Variants in DDX1 observed in about 807,000 individuals in gnomAD.
DDX1 encodes ATP-dependent RNA helicase DDX1.
DDX1 carries 28 observed loss-of-function variants against 108.7 expected under a neutral mutation model. That is an observed-to-expected ratio of 0.26 (90% CI 0.19 to 0.35). The LOEUF is 0.35. Among genes scored for constraint, DDX1 ranks in the 10% least tolerant of loss-of-function variants. The probability of loss-of-function intolerance (pLI) is 1.00; values close to 1 mark genes in which losing one functional copy is unlikely to be tolerated. For missense variants in DDX1, 710 were observed against 884.5 expected (o/e 0.80, Z 2.50); for synonymous variants, 295 against 288.9 (o/e 1.02, Z -0.21).
At chr2:15,595,352 C>A in intron 2 of DDX1, 138 bp from the exon 3 acceptor site, 1 of 910,458 alleles carries the variant, frequency 1.1e-6, no homozygotes, top group South Asian at 1.8e-5. Context: ...CTTTTTTTAA[C>A]CTTGACATAT....
At chr2:15,606,902 A>G (rs1340569577) in intron 12 of DDX1, among the ~76,000 whole-genome samples, 1 of 152,172 alleles carries the variant, frequency 6.6e-6, no homozygotes, top group African/African-American at 2.4e-5. Context: ...AGCTCACTGC[A>G]GCCTTGAATA....
intron 19 of DDX1, among the ~76,000 whole-genome samples, chr2:15,624,068 C>T (rs1025412388): frequency 1.1e-4 from 17 of 152,074 alleles, no homozygotes; most frequent in African/African-American, 3.4e-4. Context: ...TCAGTGGACA[C>T]GGTCTTCTGT....
rs1473742205 is a variant in DDX1 at position 15,597,481 on chromosome 2, G to A, written c.259+10G>A. 9.8e-6 allele frequency: 15 copies of A among 1,537,908 alleles called. No individual in the cohort carries two copies. Among genetic ancestry groups the A allele is most frequent in the Admixed American group, 3.6e-5 (2 of 55,758 alleles). Reference sequence around the variant, plus strand: ...AAAACTGGTGCTTCAGGTAATTTTTGTAAATTGATATTTCCTTTTATATAA... The same window carrying A: ...AAAACTGGTGCTTCAGGTAATTTTTATAAATTGATATTTCCTTTTATATAA... On this transcript the variant is annotated intron_variant, in intron 5 of 25. Transcript: ENST00000233084.
chr2:15,599,050 G>A (rs971409792), intron 5 of DDX1: 1 of 152,124 alleles, frequency 6.6e-6, no homozygotes, highest in East Asian at 1.9e-4. Context: ...TGACCTAGGA[G>A]TAAGGACAGA....
Position 15,620,128 on chromosome 2 carries a change from T to A in DDX1, c.1207-80T>A, listed in dbSNP as rs74380587. The A allele has an allele frequency of 3.7e-3, 4,655 of 1,267,272 alleles. 107 individuals carry two copies. In the African/African-American group the frequency reaches 0.05, roughly 14 times the overall value. The allele number at this position is 1,267,272 out of a possible 1,614,324, so 78.5% of individuals were successfully genotyped here. ...CTTTGGAGTCTAGGCTAGCACACTT[T>A]GTGTTTCATATCAGTGTTTGTGTGA... On this transcript the variant is annotated intron_variant, in intron 16 of 25. Transcript: ENST00000233084.
Position 15,607,405 on chromosome 2 carries a change from T to G in DDX1, c.956+92T>G. On this transcript the variant is annotated intron_variant, in intron 13 of 25. Coordinates refer to ENST00000233084, the MANE Select transcript of DDX1 (RefSeq NM_004939.3). Reference sequence around the variant, plus strand: ...AGGTAGAGAAAAATGAAGTAGAAATTCAGTGTGTATACATAATACACGTGT... The same window carrying G: ...AGGTAGAGAAAAATGAAGTAGAAATGCAGTGTGTATACATAATACACGTGT... 3.5e-6 allele frequency: 4 copies of G among 1,135,942 alleles called. No homozygotes were observed. In the South Asian group the frequency reaches 5.7e-5, roughly 16 times the overall value. The allele number at this position is 1,135,942 out of a possible 1,614,324, so 70.4% of individuals were successfully genotyped here.
chr2:15,601,935 T>C (rs1298420754), intron 6 of DDX1, among the ~76,000 whole-genome samples: 2 of 152,246 alleles, frequency 1.3e-5, no homozygotes, highest in Non-Finnish European at 2.9e-5. Flanking sequence ...TGATGTATAG[T>C]ATAGAATATA....
chr2:15,622,393 T>G (rs1666029342), intron 18 of DDX1, among the ~76,000 whole-genome samples: 1 of 152,212 alleles, frequency 6.6e-6, no homozygotes, highest in Non-Finnish European at 1.5e-5. Context: ...ACTCTTTGTT[T>G]CAGGTTAAAT....
intron 17 of DDX1, 122 bp downstream of exon 17, chr2:15,620,518 C>T (rs1053185047): frequency 7.1e-6 from 5 of 702,238 alleles, no homozygotes; most frequent in African/African-American, 1.8e-5. Context: ...TCCAATACAT[C>T]GTAAACCCTT....
At chr2:15,629,502 TGCC>T in intron 23 of DDX1, 97 bp from the exon 24 acceptor site, 1 of 758,408 alleles carries the variant, frequency 1.3e-6, no homozygotes, top group Admixed American at 3.4e-5. Context: ...ATTTTTCTAG[TGCC>T]TTGAGGACAG....
chr2:15,604,653 A>G (rs189186067), intron 10 of DDX1, 144 bp downstream of exon 10: 1 of 628,646 alleles, frequency 1.6e-6, no homozygotes, highest in South Asian at 1.9e-5. Flanking sequence ...AGCATTGACT[A>G]TGTGTAAGGT....
In DDX1 at chr2:15,621,050, C is replaced by G. The variant is rs776450971; in HGVS notation, c.1396-15C>G. The stretch of plus-strand genomic sequence containing the variant: ...ACCACTCCTCTATCCTGTTTTTATT[C>G]CTTGCTTTTGATAGACTGATGATGT... On this transcript the variant is annotated splice_polypyrimidine_tract_variant and intron_variant, in intron 17 of 25. Transcript: ENST00000233084. 7.6e-6 allele frequency: 12 copies of G among 1,580,134 alleles called. No individual in the cohort carries two copies. The highest frequency in any genetic ancestry group is 1.7e-5 in the Admixed American group (1 of 58,754).
Position 15,620,627 on chromosome 2 carries a change from A to G in DDX1, c.1395+231A>G, listed in dbSNP as rs530912276. On this transcript the variant is annotated intron_variant, in intron 17 of 25. Coordinates refer to ENST00000233084, the MANE Select transcript of DDX1 (RefSeq NM_004939.3). ...GATCAGCTTCCTTGATACAGTCTTT[A>G]TAAGTAAATAACATATATTTATCTA... 2.0e-5 allele frequency among the ~76,000 whole-genome samples: 3 copies of G among 152,300 alleles called. No individual in the cohort carries two copies. The East Asian group carries it at 5.8e-4, about 29-fold the overall frequency.
chr2:15,623,028 GA>G (rs1666036851), intron 18 of DDX1, among the ~76,000 whole-genome samples: 1 of 152,104 alleles, frequency 6.6e-6, no homozygotes, highest in African/African-American at 2.4e-5. Context: ...TTTTTAAAAG[GA>G]GTTAAAATAA....
intron 19 of DDX1, among the ~76,000 whole-genome samples, chr2:15,624,353 T>TA (rs1164265472): frequency 6.6e-6 from 1 of 152,186 alleles, no homozygotes; most frequent in Admixed American, 6.5e-5. Flanking sequence ...ATGCTTCTTA[T>TA]AACTTCGAGA....
intron 15 of DDX1, 52 bp from the exon 16 acceptor site, chr2:15,618,128 CG>C (rs1350959413): frequency 9.1e-6 from 10 of 1,100,368 alleles, no homozygotes; most frequent in Middle Eastern, 2.1e-4. Flanking sequence ...TTAAAACTTA[CG>C]TTTTTTTCCA....
In DDX1 at chr2:15,603,278, A is replaced by G. The variant is rs1272467980; in HGVS notation, c.475+3A>G. ...CATGCAGGCCTCTTTGGACCTAGGT[A>G]AGTGTTTCTAAAATAACTGAATTGA... On this transcript the variant is annotated splice_donor_region_variant and intron_variant, in intron 8 of 25. Coordinates refer to ENST00000233084, the MANE Select transcript of DDX1 (RefSeq NM_004939.3). The G allele has an allele frequency of 6.3e-7, 1 of 1,594,602 alleles. No homozygotes were observed. The highest frequency in any genetic ancestry group is 1.3e-5 in the African/African-American group (1 of 74,422).
intron 13 of DDX1, among the ~76,000 whole-genome samples, chr2:15,611,029 C>T (rs977141225): frequency 1.6e-4 from 24 of 150,082 alleles, no homozygotes; most frequent in African/African-American, 4.9e-4. Flanking sequence ...GAGGACCCTG[C>T]GGCCTTCCGC....
intron 17 of DDX1, 70 bp from the exon 18 acceptor site, chr2:15,620,995 A>C: frequency 1.0e-6 from 1 of 968,260 alleles, no homozygotes; most frequent in Non-Finnish European, 1.6e-6. Context: ...TCCCTTTTAA[A>C]ACATGACATA....
Sources: allele counts gnomAD v4.1 joint callset (sites outside exome capture counted in the v4.1 genomes callset), GRCh38; gene constraint gnomAD v4.1.1; transcripts MANE v1.5; gene names NCBI Gene and HGNC (gene_info 2026-07-23, HGNC 2026-07-21).